Variants in TJAP1 observed in about 807,000 individuals in gnomAD.
TJAP1 encodes tight junction associated protein 1.
A neutral mutation model predicts 42.0 loss-of-function variants in TJAP1; 27 were observed. That is an observed-to-expected ratio of 0.64 (90% CI 0.47 to 0.89). The LOEUF (loss-of-function observed/expected upper bound fraction) is 0.89. Among genes scored for constraint, TJAP1 ranks in the 40% least tolerant of loss-of-function variants. The pLI, the probability that TJAP1 is intolerant of heterozygous loss-of-function variation, is 0.00. For synonymous variants in TJAP1, 257 were observed against 288.4 expected, an observed-to-expected ratio of 0.89 and a Z score of 1.10; for missense variants, 712 against 726.9, an observed-to-expected ratio of 0.98 and a Z score of 0.24.
At chr6:43,502,850 A>G (rs1298685061) in intron 8 of TJAP1, 2 of 593,852 alleles carry the variant, frequency 3.4e-6, no homozygotes, top group Non-Finnish European at 6.0e-6. Flanking sequence ...TCCACTGAAC[A>G]CCCAAAGCTT....
At chr6:43,500,106 C>T (rs932197695) in intron 4 of TJAP1, among the ~76,000 whole-genome samples, 1 of 152,192 alleles carries the variant, frequency 6.6e-6, no homozygotes, top group Admixed American at 6.5e-5. Flanking sequence ...CTTGATGTTT[C>T]CCTCTCGCGA....
chr6:43,478,003 G>A (rs1459717298), intron 1 of TJAP1, 84 bp from the exon 2 acceptor site: 1 of 152,296 alleles, frequency 6.6e-6, no homozygotes, highest in Non-Finnish European at 1.5e-5. Context: ...TAGTAGAGTG[G>A]GATAGTGAGG....
In TJAP1 at chr6:43,504,691, CT is replaced by C. The variant is rs149286323; in HGVS notation, c.580-67del. The stretch of plus-strand genomic sequence containing the variant: ...AGGTACTTAAAGGTGGGAGCCATTA[CT>C]TTCGCCATGAGTCAAGTTATCTTTG... On this transcript the variant is annotated intron_variant, in intron 10 of 10. Coordinates refer to ENST00000372449, the Ensembl canonical transcript of TJAP1. 10,083 of 1,559,848 alleles carry C rather than the reference CT, an allele frequency of 6.5e-3. 578 individuals carry two copies. The African/African-American group carries it at 0.12, about 19-fold the overall frequency.
At chr6:43,488,317 C>T (rs997744382) in intron 2 of TJAP1, among the ~76,000 whole-genome samples, 1 of 152,232 alleles carries the variant, frequency 6.6e-6, no homozygotes, top group African/African-American at 2.4e-5. Flanking sequence ...GTTACAGCCT[C>T]CTTCCCAGTC....
chr6:43,490,151 C>G (rs1355847618), intron 2 of TJAP1, among the ~76,000 whole-genome samples: 1 of 152,210 alleles, frequency 6.6e-6, no homozygotes, highest in African/African-American at 2.4e-5. Context: ...CTCCTCTGCT[C>G]TCTTGTTCTT....
chr6:43,496,117 T>G (rs1443166422), intron 2 of TJAP1, among the ~76,000 whole-genome samples: 1 of 152,068 alleles, frequency 6.6e-6, no homozygotes, highest in African/African-American at 2.4e-5. Flanking sequence ...ACCTGGACCC[T>G]CTGTAGAGAA....
At chr6:43,483,124 T>TAA (rs70990191) in intron 2 of TJAP1, among the ~76,000 whole-genome samples, 50 of 125,730 alleles carry the variant, frequency 4.0e-4, no homozygotes, top group Admixed American at 3.3e-3. Flanking sequence ...TCCATCTCAA[T>TAA]AAAAAAAAAA....
chr6:43,490,738 C>T (rs1243203206), intron 2 of TJAP1, among the ~76,000 whole-genome samples: 1 of 152,206 alleles, frequency 6.6e-6, no homozygotes, highest in Admixed American at 6.5e-5. Context: ...CCTCTTTTCA[C>T]ATCCGGAGTT....
In TJAP1 at chr6:43,505,469, C is replaced by G; in HGVS notation, c.1288C>G (p.Gln430Glu). 1 of 1,613,650 alleles carries G rather than the reference C, an allele frequency of 6.2e-7. No individual in the cohort carries two copies. Among genetic ancestry groups the G allele is most frequent in the Middle Eastern group, 1.6e-4 (1 of 6,062 alleles). The change falls in exon 11 of 11, where the codon CAG becomes GAG. Residue 430 changes from glutamine (Q) to glutamate (E), a missense_variant. Gln to Glu is a conservative substitution (Grantham distance 29, BLOSUM62 2). Transcript: ENST00000372449. This position sits in a 1 kb window ranked among gnomAD's most constrained non-coding sequence, Gnocchi z 5.5. ...TACTCCACCACCTGCTGCTGTGGCC[C>G]AGCGCACAGCCTTTGGACGCGATGC...
chr6:43,501,455 C>A, intron 5 of TJAP1, 71 bp from the exon 6 acceptor site: 1 of 1,442,476 alleles, frequency 6.9e-7, no homozygotes, highest in East Asian at 2.3e-5. Flanking sequence ...CCTGAGCCCA[C>A]TCTGGAGCTC....
At chr6:43,501,143 TA>T in intron 5 of TJAP1, 1 of 374,654 alleles carries the variant, frequency 2.7e-6, no homozygotes, top group Non-Finnish European at 4.8e-6. Context: ...AAGAGATGAA[TA>T]ATGGAGAAGC....
intron 10 of TJAP1, 58 bp downstream of exon 10, chr6:43,503,764 C>T: frequency 1.4e-6 from 2 of 1,452,962 alleles, no homozygotes; most frequent in Non-Finnish European, 1.9e-6. Flanking sequence ...CTGTAGGACT[C>T]CTCTAACTCC....
intron 6 of TJAP1, 112 bp downstream of exon 6, chr6:43,501,799 CCTT>C (rs1052028051): frequency 1.6e-6 from 1 of 644,288 alleles, no homozygotes; most frequent in African/African-American, 2.0e-5. Context: ...CTGTCTCTCT[CCTT>C]TCATAGGAGG....
intron 9 of TJAP1, 50 bp downstream of exon 9, chr6:43,503,558 C>T (rs1197676443): frequency 8.7e-6 from 14 of 1,611,010 alleles, no homozygotes; most frequent in Admixed American, 6.7e-5. Flanking sequence ...CTAGCTTTGT[C>T]CTGGCTCGGC....
exon 11 of TJAP1, chr6:43,504,970 T>C (rs3734689): frequency 0.031 from 50,823 of 1,614,042 alleles, 1,127 homozygotes; most frequent in African/African-American, 0.087. Flanking sequence ...TCTTTGTGCA[T>C]GTGGACATGA....
At chr6:43,504,685 C>G in intron 10 of TJAP1, 76 bp from the exon 11 acceptor site, 1 of 1,545,122 alleles carries the variant, frequency 6.5e-7, no homozygotes, top group Non-Finnish European at 8.8e-7. Flanking sequence ...AAGGTGGGAG[C>G]CATTACTTTC....
At chr6:43,493,839 G>A (rs1402486293) in intron 2 of TJAP1, among the ~76,000 whole-genome samples, 1 of 152,060 alleles carries the variant, frequency 6.6e-6, no homozygotes, top group East Asian at 1.9e-4. Context: ...CTTCCACCAC[G>A]GTGGAAGCCC....
intron 2 of TJAP1, chr6:43,489,760 C>A (rs1562249739): frequency 6.6e-6 from 1 of 152,382 alleles, no homozygotes; most frequent in Non-Finnish European, 1.5e-5. Context: ...TGGCTTCCAT[C>A]TGGCATGGTT....
At position 43,488,209 on chromosome 6, in the gene TJAP1, C is replaced by A. The variant is rs543967612; in HGVS notation, c.-121-9672C>A. Reference sequence around the variant, plus strand: ...TTTTATACGTCTAGACATTCCTCACCAAAACTCAATATTAATACAGACTCT... The same window carrying A: ...TTTTATACGTCTAGACATTCCTCACAAAAACTCAATATTAATACAGACTCT... On this transcript the variant is annotated intron_variant, in intron 2 of 10. Transcript: ENST00000372449. 1.4e-3 allele frequency among the ~76,000 whole-genome samples: 214 copies of A among 152,210 alleles called. 1 individual carries two copies. In the Middle Eastern group the frequency reaches 0.02, roughly 15 times the overall value.
Sources: gnomAD v4.1 joint callset for allele counts (sites outside exome capture counted in the v4.1 genomes callset) on GRCh38, gnomAD v4.1.1 for gene constraint, Gnocchi (gnomAD v3.1) non-coding constraint, MANE v1.5 for transcripts, NCBI Gene and HGNC (gene_info 2026-07-23, HGNC 2026-07-21) for gene names.